Variants in FNDC3B observed in about 807,000 individuals in gnomAD.
FNDC3B encodes fibronectin type III domain-containing protein 3B.
A neutral mutation model predicts 151.5 loss-of-function variants in FNDC3B; 12 were observed. The ratio of observed to expected loss-of-function variants is 0.08; its 90% CI spans 0.05 to 0.13. The LOEUF (loss-of-function observed/expected upper bound fraction) is 0.13, where lower values mean the gene tolerates loss of function less well. Among genes scored for constraint, FNDC3B ranks in the 10% least tolerant of loss-of-function variants. The probability of loss-of-function intolerance (pLI) is 1.00; values close to 1 mark genes in which losing one functional copy is unlikely to be tolerated. For missense variants in FNDC3B, 1,214 were observed against 1,505.3 expected (o/e 0.81, Z 3.20); for synonymous variants, 528 against 549.0 (o/e 0.96, Z 0.54).
At chr3:172,093,677 G>T (rs113942243) in intron 1 of FNDC3B, among the ~76,000 whole-genome samples, 1 of 152,178 alleles carries the variant, frequency 6.6e-6, no homozygotes, top group Non-Finnish European at 1.5e-5. Context: ...GGGATTACTG[G>T]TGTGAGTCAC....
chr3:172,291,196 C>T (rs575912172), intron 7 of FNDC3B, among the ~76,000 whole-genome samples: 64 of 152,264 alleles, frequency 4.2e-4, no homozygotes, highest in African/African-American at 1.3e-3. Flanking sequence ...CAGGACAATG[C>T]GGTTTTATAA....
chr3:172,317,406 G>A (rs372600674), intron 11 of FNDC3B, among the ~76,000 whole-genome samples: 8 of 151,570 alleles, frequency 5.3e-5, no homozygotes, highest in Admixed American at 1.3e-4. Context: ...GCATGGTCTC[G>A]ATCTCCTGAC....
At chr3:172,240,084 G>T (rs1369937098) in intron 4 of FNDC3B, among the ~76,000 whole-genome samples, 5 of 151,976 alleles carry the variant, frequency 3.3e-5, no homozygotes, top group Non-Finnish European at 7.4e-5. Context: ...TGTTAGCCAG[G>T]ATGGTCTTGA....
intron 1 of FNDC3B, among the ~76,000 whole-genome samples, chr3:172,047,533 T>C (rs1716423664): frequency 6.6e-6 from 1 of 152,188 alleles, no homozygotes. Context: ...TTAAAAGCAG[T>C]GTAAAAATGC....
At chr3:172,379,689 A>T (rs1404316160) in intron 24 of FNDC3B, among the ~76,000 whole-genome samples, 4 of 152,192 alleles carry the variant, frequency 2.6e-5, no homozygotes, top group African/African-American at 2.4e-5. Context: ...AACACAAAAG[A>T]TGTCTGAGCA....
At chr3:172,370,234 A>G (rs1734821902) in intron 23 of FNDC3B, among the ~76,000 whole-genome samples, 1 of 152,216 alleles carries the variant, frequency 6.6e-6, no homozygotes, top group African/African-American at 2.4e-5. Context: ...GGCCAGTTAG[A>G]GCATTCTTGG....
At chr3:172,231,632 T>G (rs955831676) in intron 4 of FNDC3B, among the ~76,000 whole-genome samples, 1 of 152,138 alleles carries the variant, frequency 6.6e-6, no homozygotes, top group African/African-American at 2.4e-5. Flanking sequence ...ATGTCTAGTT[T>G]TCACTGTCCT....
intron 22 of FNDC3B, among the ~76,000 whole-genome samples, chr3:172,359,005 G>GTGGTGGTGGTGGTGA (rs1560098655): frequency 1.4e-5 from 2 of 139,518 alleles, no homozygotes; most frequent in Non-Finnish European, 3.2e-5. Context: ...GGTGGTGGTG[G>GTGGTGGTGGTGGTGA]TGGTGGTGGT....
At chr3:172,104,835 T>A (rs1184074207) in intron 1 of FNDC3B, among the ~76,000 whole-genome samples, 1 of 152,180 alleles carries the variant, frequency 6.6e-6, no homozygotes. Flanking sequence ...TTAATGAAAT[T>A]TTTTTCCTTT....
chr3:172,369,830 G>A (rs1576953264), intron 23 of FNDC3B, among the ~76,000 whole-genome samples: 2 of 152,026 alleles, frequency 1.3e-5, no homozygotes, highest in Non-Finnish European at 2.9e-5. Flanking sequence ...GAGTGAGGGC[G>A]AATACTATCC....
At chr3:172,268,701 G>T (rs1393459261) in intron 6 of FNDC3B, among the ~76,000 whole-genome samples, 1 of 152,182 alleles carries the variant, frequency 6.6e-6, no homozygotes, top group African/African-American at 2.4e-5. Context: ...GCTGAGGGGA[G>T]ATCACATTAT....
At chr3:172,298,870 G>C (rs947133657) in intron 9 of FNDC3B, 83 bp downstream of exon 9, 3 of 969,976 alleles carry the variant, frequency 3.1e-6, no homozygotes, top group Non-Finnish European at 4.7e-6. Flanking sequence ...TAAGTTTTTG[G>C]TGAATGTTGC....
intron 3 of FNDC3B, among the ~76,000 whole-genome samples, chr3:172,196,866 G>T (rs938775321): frequency 2.6e-5 from 4 of 152,114 alleles, no homozygotes; most frequent in Admixed American, 2.0e-4. Flanking sequence ...TATGCTTTCG[G>T]TTATTACTTT....
At chr3:172,136,794 A>C (rs898751534) in intron 3 of FNDC3B, among the ~76,000 whole-genome samples, 13 of 152,138 alleles carry the variant, frequency 8.5e-5, no homozygotes, top group Admixed American at 5.2e-4. Context: ...ATCTCGGCTC[A>C]CTGCAACCAC....
intron 1 of FNDC3B, among the ~76,000 whole-genome samples, chr3:172,098,137 T>C (rs540953500): frequency 6.6e-6 from 1 of 152,288 alleles, no homozygotes; most frequent in African/African-American, 2.4e-5. Flanking sequence ...TCTTTTCTTG[T>C]ACAGGTTGGG....
chr3:172,201,344 T>C (rs1208598135), intron 3 of FNDC3B, among the ~76,000 whole-genome samples: 1 of 152,142 alleles, frequency 6.6e-6, no homozygotes. Flanking sequence ...AGGTTTTTTT[T>C]CCTCTTTTCT....
intron 23 of FNDC3B, among the ~76,000 whole-genome samples, chr3:172,377,894 C>T (rs1735235375): frequency 6.6e-6 from 1 of 152,132 alleles, no homozygotes; most frequent in African/African-American, 2.4e-5. Flanking sequence ...TTAACATTAA[C>T]TTCATTGCCT....
chr3:172,378,299 A>G lies in FNDC3B; in HGVS notation c.3038A>G (p.His1013Arg). 7 of 1,610,676 alleles carry G rather than the reference A, an allele frequency of 4.3e-6. No homozygotes were observed. Among genetic ancestry groups the G allele is most frequent in the Non-Finnish European group, 5.9e-6 (7 of 1,179,036 alleles). Residue 1013 changes from histidine to arginine, a missense_variant, in exon 24 of 26, where the codon CAC (histidine) becomes CGC (arginine). This residue lies in a region of FNDC3B where 284 missense variants were observed against 392.4 expected (regional missense o/e 0.72). Coordinates refer to ENST00000415807, the MANE Select transcript of FNDC3B (RefSeq NM_022763.4). ...RFISIYRGPS[H>R]TYKVQRLTEF... ...ATTTCAATCTACAGAGGACCCAGCC[A>G]CACCTACAAGGTCCAGAGACTGACG...
chr3:172,254,303 T>C (rs1048301224), intron 6 of FNDC3B, among the ~76,000 whole-genome samples: 10 of 152,194 alleles, frequency 6.6e-5, no homozygotes, highest in African/African-American at 2.4e-4. Flanking sequence ...TAGAGATTCA[T>C]GGACTCCATT....
Sources: allele counts gnomAD v4.1 joint callset (sites outside exome capture counted in the v4.1 genomes callset), GRCh38; gene constraint gnomAD v4.1.1; regional missense constraint gnomAD v4.1.1; transcripts MANE v1.5; gene names NCBI Gene and HGNC (gene_info 2026-07-23, HGNC 2026-07-21).